The following CELF2 variants were observed in gnomAD, a reference collection of about 807,000 sequenced individuals.
CELF2 encodes the protein CUG triplet repeat RNA-binding protein 2.
Under a neutral mutation model 62.6 loss-of-function variants are expected in CELF2, and 8 were observed. The observed-to-expected ratio is 0.13, with a 90% CI of 0.07 to 0.23. CELF2 has a LOEUF of 0.23. CELF2 is among the 10% of genes least tolerant of loss of function. CELF2 has a pLI of 1.00. For missense variants in CELF2, 333 were observed against 671.0 expected (o/e 0.50, Z 5.56); for synonymous variants, 258 against 250.0 (o/e 1.03, Z -0.30).
chr10:10,876,748 C>G (rs1564754032), intron 1 of CELF2, among the ~76,000 whole-genome samples: 1 of 152,226 alleles, frequency 6.6e-6, no homozygotes, highest in Non-Finnish European at 1.5e-5. Context: ...CCTCTTCTTT[C>G]TCCTGTCTTT....
At chr10:11,109,348 A>C (rs1002066893) in intron 1 of CELF2, among the ~76,000 whole-genome samples, 1 of 152,216 alleles carries the variant, frequency 6.6e-6, no homozygotes, top group Admixed American at 6.5e-5. Flanking sequence ...CTGGAATAGC[A>C]AACAGACTTG....
chr10:10,481,097 CT>C, the CELF2 span, among the ~76,000 whole-genome samples: 1 of 152,048 alleles, frequency 6.6e-6, no homozygotes, highest in African/African-American at 2.4e-5. Flanking sequence ...AGTGTTAGTA[CT>C]TTGAAAAAAA....
rs1480886591 is a variant in CELF2, at chr10:11,315,621, G to C, written c.1096+1363G>C. On this transcript the variant is annotated intron_variant, in intron 10 of 12. Coordinates refer to ENST00000633077, the MANE Select transcript of CELF2 (RefSeq NM_001326342.2). The surrounding 1 kb of genome is among the most constrained non-coding windows in gnomAD (Gnocchi z 5.8). Reference sequence around the variant, plus strand: ...TCTTTTGGGGAAAAGCGAAAACGTGGACCGAGCTTTAGCTGACCATACCTC... The same window carrying C: ...TCTTTTGGGGAAAAGCGAAAACGTGCACCGAGCTTTAGCTGACCATACCTC... Among the ~76,000 whole-genome samples the C allele has an allele frequency of 2.0e-5, 3 of 152,158 alleles. No homozygotes were observed. Among genetic ancestry groups the C allele is most frequent in the Non-Finnish European group, 4.4e-5 (3 of 68,032 alleles).
rs987895766 is a variant in CELF2 at position 11,217,806 on chromosome 10, G to GA, written c.354+308dup. Among the ~76,000 whole-genome samples, 9 of 150,164 alleles carry GA rather than the reference G, an allele frequency of 6.0e-5. No individual in the cohort carries two copies. Among genetic ancestry groups the GA allele is most frequent in the East Asian group, 1.9e-4 (1 of 5,144 alleles). Reference sequence around the variant, plus strand: ...ATTGGGTGGGCTAAGATTTTAAAAGGAAAAAAAAACCCAACACACACAAGA... The same window carrying GA: ...ATTGGGTGGGCTAAGATTTTAAAAGGAAAAAAAAAACCCAACACACACAAGA... On this transcript the variant is annotated intron_variant, in intron 3 of 12. Coordinates refer to ENST00000633077, the MANE Select transcript of CELF2 (RefSeq NM_001326342.2). This position sits in a 1 kb window ranked among gnomAD's most constrained non-coding sequence, Gnocchi z 5.6.
At chr10:10,841,712 A>G (rs1021289452) in intron 1 of CELF2, among the ~76,000 whole-genome samples, 1 of 152,112 alleles carries the variant, frequency 6.6e-6, no homozygotes, top group Non-Finnish European at 1.5e-5. Context: ...TGAATCCTCC[A>G]TATTTGTTTT....
rs1261294075 is a variant in CELF2, at chr10:11,288,352, C to T, written c.842-66C>T. ...GTGTCCTGACGATTTGATGAGCCTG[C>T]TCTTGTTTGGAAACTGTAGAAGTGT... On this transcript the variant is annotated intron_variant, in intron 8 of 12. Transcript: ENST00000633077. 24 of 1,582,840 alleles carry T rather than the reference C, an allele frequency of 1.5e-5. No individual in the cohort carries two copies. The South Asian group carries it at 2.7e-4, about 18-fold the overall frequency.
At chr10:10,920,936 C>T (rs1009703569) in intron 2 of CELF2, among the ~76,000 whole-genome samples, 6 of 151,976 alleles carry the variant, frequency 3.9e-5, no homozygotes, top group Admixed American at 3.3e-4. Flanking sequence ...AGGATTGTGC[C>T]TTTGTTTTGT....
At chr10:10,562,645 G>T in the CELF2 span, among the ~76,000 whole-genome samples, 1 of 152,168 alleles carries the variant, frequency 6.6e-6, no homozygotes, top group African/African-American at 2.4e-5. Context: ...AGAAAGGAAG[G>T]TTCTCATTCC....
the CELF2 span, among the ~76,000 whole-genome samples, chr10:10,754,600 C>A: frequency 6.6e-6 from 1 of 152,150 alleles, no homozygotes; most frequent in African/African-American, 2.4e-5. Flanking sequence ...GGGTGTTTAG[C>A]CCCAGGTCTA....
At chr10:10,805,080 G>A (rs2055075500) in intron 1 of CELF2, among the ~76,000 whole-genome samples, 1 of 152,182 alleles carries the variant, frequency 6.6e-6, no homozygotes, top group Non-Finnish European at 1.5e-5. Flanking sequence ...TACATGCCAT[G>A]CCTTATGCTA....
At chr10:10,923,412 C>G (rs1017565878) in intron 2 of CELF2, among the ~76,000 whole-genome samples, 1 of 152,150 alleles carries the variant, frequency 6.6e-6, no homozygotes, top group Non-Finnish European at 1.5e-5. Context: ...CCGTAATTAC[C>G]TTACGTGGTA....
Position 11,334,396 on chromosome 10 carries a change from A to G in CELF2, c.*5343A>G, listed in dbSNP as rs2133008359. 1 of 152,742 alleles carries G rather than the reference A, an allele frequency of 6.5e-6. No individual in the cohort carries two copies. The highest frequency in any genetic ancestry group is 6.5e-5 in the Admixed American group (1 of 15,294). 9.5% of individuals were successfully genotyped at this position (152,742 alleles called of 1,614,324 possible). A position where few individuals can be genotyped will look rare whatever the true frequency, so the allele number is the denominator to read the frequency against. On this transcript the variant is annotated 3_prime_UTR_variant, in exon 13 of 13. Transcript: ENST00000633077. ...TCTGCGTGTTGTATTGTTGGTAGTC[A>G]TTATATGTTGGTGATACATCTGCAC...
the CELF2 span, among the ~76,000 whole-genome samples, chr10:10,743,263 A>AT: frequency 6.6e-6 from 1 of 152,362 alleles, no homozygotes; most frequent in African/African-American, 2.4e-5. Context: ...AGTGGTCTCT[A>AT]TTGAAATGAG....
At chr10:10,683,631 T>A in the CELF2 span, among the ~76,000 whole-genome samples, 1 of 152,192 alleles carries the variant, frequency 6.6e-6, no homozygotes, top group Non-Finnish European at 1.5e-5. Flanking sequence ...AGGTGACATA[T>A]GGCGCAGTTT....
rs897396277 is a variant in CELF2 at position 11,255,823 on chromosome 10, C to A, written c.404-1915C>A. On this transcript the variant is annotated intron_variant, in intron 4 of 12. Transcript: ENST00000633077. This position sits in a 1 kb window ranked among gnomAD's most constrained non-coding sequence, Gnocchi z 5.5. ...AGAGGTCCTCAGAGGTCAGCCTATT[C>A]TCCAAAGACACATATCAAACTCATG... Among the ~76,000 whole-genome samples the A allele has an allele frequency of 6.6e-6, 1 of 152,172 alleles. No individual in the cohort carries two copies. Among genetic ancestry groups the A allele is most frequent in the Non-Finnish European group, 1.5e-5 (1 of 68,012 alleles).
chr10:11,161,478 C>G (rs185754108), intron 1 of CELF2, among the ~76,000 whole-genome samples: 20 of 152,368 alleles, frequency 1.3e-4, no homozygotes, highest in African/African-American at 4.8e-4. Flanking sequence ...ACCTTCACCT[C>G]TCACTGCATT....
At chr10:10,616,807 C>T in the CELF2 span, among the ~76,000 whole-genome samples, 5 of 152,014 alleles carry the variant, frequency 3.3e-5, no homozygotes, top group East Asian at 1.9e-4. Context: ...ACTGCAGGCT[C>T]GAACTCCTGG....
chr10:10,823,123 CT>C (rs1564672035), intron 1 of CELF2, among the ~76,000 whole-genome samples: 1 of 152,032 alleles, frequency 6.6e-6, no homozygotes, highest in African/African-American at 2.4e-5. Context: ...CTGTAGTTTT[CT>C]TTTTTAAAAA....
intron 1 of CELF2, among the ~76,000 whole-genome samples, chr10:11,053,862 C>A (rs938853532): frequency 1.3e-4 from 20 of 152,088 alleles, no homozygotes; most frequent in Non-Finnish European, 2.2e-4. Context: ...GATCCACCCG[C>A]CTCGGCCTCC....
Sources: gnomAD v4.1 joint callset for allele counts (sites outside exome capture counted in the v4.1 genomes callset) on GRCh38, gnomAD v4.1.1 for gene constraint, Gnocchi (gnomAD v3.1) non-coding constraint, MANE v1.5 for transcripts, NCBI Gene and HGNC (gene_info 2026-07-23, HGNC 2026-07-21) for gene names.